EPB41L1: variants seen among roughly 807,000 people sequenced by gnomAD.
EPB41L1 encodes erythrocyte membrane protein band 4.1 like 1.
EPB41L1 carries 29 observed loss-of-function variants against 97.8 expected under a neutral mutation model. That is an observed-to-expected ratio of 0.30 (90% CI 0.22 to 0.40). EPB41L1 has a LOEUF of 0.40. Ranked by LOEUF, EPB41L1 falls within the 10% of genes least tolerant of loss-of-function variation. The pLI is 1.00. For missense variants in EPB41L1, 812 were observed against 1,162.3 expected (o/e 0.70, Z 4.38); for synonymous variants, 383 against 459.2 (o/e 0.83, Z 2.12).
At chr20:36,204,325 C>T (rs185525675) in intron 14 of EPB41L1, among the ~76,000 whole-genome samples, 4 of 152,202 alleles carry the variant, frequency 2.6e-5, no homozygotes, top group Non-Finnish European at 4.4e-5. Flanking sequence ...GGGAAGTATC[C>T]TGTGGCCACA....
At chr20:36,175,803 C>A in intron 3 of EPB41L1, 88 bp downstream of exon 3, 2 of 1,444,466 alleles carry the variant, frequency 1.4e-6, no homozygotes, top group Non-Finnish European at 1.9e-6. Context: ...CAGCTTGGGC[C>A]AAACCAGAGG....
chr20:36,146,580 G>A (rs983082591), intron 2 of EPB41L1, among the ~76,000 whole-genome samples: 10 of 152,176 alleles, frequency 6.6e-5, no homozygotes, highest in Non-Finnish European at 1.3e-4. Flanking sequence ...GTGAAGTTGC[G>A]GATTAACCAG....
intron 3 of EPB41L1, among the ~76,000 whole-genome samples, chr20:36,175,940 G>A (rs1267124069): frequency 6.6e-6 from 1 of 152,180 alleles, no homozygotes; most frequent in Non-Finnish European, 1.5e-5. Flanking sequence ...TACAGGGCTG[G>A]CACCAGGGGA....
intron 11 of EPB41L1, among the ~76,000 whole-genome samples, chr20:36,191,865 C>T (rs1160814634): frequency 6.6e-6 from 1 of 152,282 alleles, no homozygotes; most frequent in East Asian, 1.9e-4. Flanking sequence ...TTCTGTGGCA[C>T]ATAGTAGCAC....
intron 2 of EPB41L1, among the ~76,000 whole-genome samples, chr20:36,116,965 C>T (rs2058603836): frequency 6.6e-6 from 1 of 152,060 alleles, no homozygotes; most frequent in Non-Finnish European, 1.5e-5. Context: ...GTTTTATTAC[C>T]CCATTTTGCA....
In EPB41L1 at chr20:36,209,772, C is replaced by T; in HGVS notation, c.1953C>T (p.Asp651=). The T allele has an allele frequency of 6.2e-7, 1 of 1,614,110 alleles. No homozygotes were observed. ...TCGACCGGGACAAAAGCGACTCGGA[C>T]ACTGAGGGCCTGCTGTTCTCCCGGG... ...PELDRDKSDS[D]TEGLLFSRDL... is the part of the protein sequence containing the mutation. Residue 651 remains aspartate (D), a synonymous_variant, in exon 15 of 22, where the codon GAC becomes GAT. Transcript: ENST00000338074. This position sits in a 1 kb window ranked among gnomAD's most constrained non-coding sequence, Gnocchi z 4.2.
chr20:36,208,368 AGGG>A, intron 14 of EPB41L1: 1 of 450,352 alleles, frequency 2.2e-6, no homozygotes, highest in Non-Finnish European at 4.5e-6. Context: ...ACCCCTGGGA[AGGG>A]GGGGCGCCTG....
chr20:36,194,258 G>A lies in EPB41L1; in HGVS notation c.1347G>A (p.Gly449=), dbSNP rs1290257782. The change falls in exon 12 of 22, where the codon GGG becomes GGA. Residue 449 remains glycine, a synonymous_variant. Transcript: ENST00000338074. ...CGGTCAGCGAGAACCATGATGCAGGGCCTGACGGTGACAAGCGGGATGAGG... is the reference window on the plus strand; with the variant it reads ...CGGTCAGCGAGAACCATGATGCAGGACCTGACGGTGACAAGCGGGATGAGG... ...PASVSENHDA[G]PDGDKRDEDG... 6.2e-7 allele frequency: 1 copy of A among 1,614,160 alleles called. No individual in the cohort carries two copies. The highest frequency in any genetic ancestry group is 1.7e-5 in the Admixed American group (1 of 60,020).
chr20:36,116,835 C>T (rs1276193723), intron 2 of EPB41L1, among the ~76,000 whole-genome samples: 1 of 152,146 alleles, frequency 6.6e-6, no homozygotes, highest in Non-Finnish European at 1.5e-5. Flanking sequence ...GATTTTTCTC[C>T]AAACAACACA....
intron 21 of EPB41L1, among the ~76,000 whole-genome samples, chr20:36,222,666 T>G (rs535244170): frequency 6.6e-6 from 1 of 152,210 alleles, no homozygotes; most frequent in African/African-American, 2.4e-5. Context: ...GTTAAAAATT[T>G]TTTTAAAGGG....
chr20:36,188,878 CA>C (rs536424227), intron 9 of EPB41L1, among the ~76,000 whole-genome samples: 1,857 of 76,820 alleles, frequency 0.024, 27 homozygotes, highest in African/African-American at 0.069. Flanking sequence ...GACTCTGTCT[CA>C]AAAAAAAAAA....
intron 2 of EPB41L1, among the ~76,000 whole-genome samples, chr20:36,135,269 C>T (rs1168982163): frequency 6.6e-6 from 1 of 152,188 alleles, no homozygotes; most frequent in African/African-American, 2.4e-5. Context: ...TCCCATTGTA[C>T]AGTTGAAGAA....
intron 1 of EPB41L1, among the ~76,000 whole-genome samples, chr20:36,156,692 C>T (rs1569156466): frequency 1.3e-5 from 2 of 152,150 alleles, no homozygotes; most frequent in Non-Finnish European, 2.9e-5. Flanking sequence ...GCCTCCCAGC[C>T]CTTGCCCTCA....
Position 36,175,634 on chromosome 20 carries a change from C to T in EPB41L1, c.261C>T (p.Pro87=). 1 of 1,614,176 alleles carries T rather than the reference C, an allele frequency of 6.2e-7. No individual in the cohort carries two copies. Among genetic ancestry groups the T allele is most frequent in the Non-Finnish European group, 8.5e-7 (1 of 1,180,052 alleles). Residue 87 remains proline, a synonymous_variant, in exon 3 of 22, where the codon CCC becomes CCT. Transcript: ENST00000338074. The stretch of plus-strand genomic sequence containing the variant: ...CGCCCAGCAAGGCCCAGAAATCGCC[C>T]CAGAAGATTGCCAAGAAATACAAGA... ...RTTPSKAQKS[P]QKIAKKYKSA...
At chr20:36,130,144 A>G (rs2059139894) in intron 2 of EPB41L1, among the ~76,000 whole-genome samples, 1 of 151,130 alleles carries the variant, frequency 6.6e-6, no homozygotes, top group African/African-American at 2.4e-5. Context: ...ATTTCTCCAT[A>G]TTGGCCAGGC....
intron 2 of EPB41L1, among the ~76,000 whole-genome samples, chr20:36,115,121 T>G (rs563517217): frequency 6.6e-6 from 1 of 152,356 alleles, no homozygotes; most frequent in East Asian, 1.9e-4. Context: ...TTCATTTAAC[T>G]GTCATGACAG....
At chr20:36,117,428 C>A (rs913868206) in intron 2 of EPB41L1, among the ~76,000 whole-genome samples, 1 of 137,896 alleles carries the variant, frequency 7.3e-6, no homozygotes, top group African/African-American at 3.6e-5. Flanking sequence ...AGAATTCTTT[C>A]ATAATTCTTC....
chr20:36,140,501 G>A (rs1052618240), intron 2 of EPB41L1, among the ~76,000 whole-genome samples: 2 of 152,064 alleles, frequency 1.3e-5, no homozygotes, highest in Admixed American at 6.5e-5. Flanking sequence ...TGTAAAGTGG[G>A]GATATGACTT....
At position 36,190,209 on chromosome 20, in the gene EPB41L1, A is replaced by C; in HGVS notation, c.1027-68A>C. The stretch of plus-strand genomic sequence containing the variant: ...ACATTAAACAAATAAAATAAAAAAC[A>C]CAAAGAATGGGCTAGTGGCGAGAGT... On this transcript the variant is annotated intron_variant, in intron 9 of 21. Transcript: ENST00000338074. This position sits in a 1 kb window ranked among gnomAD's most constrained non-coding sequence, Gnocchi z 5.8. 9 of 1,264,082 alleles carry C rather than the reference A, an allele frequency of 7.1e-6. No individual in the cohort carries two copies. Among genetic ancestry groups the C allele is most frequent in the Non-Finnish European group, 1.0e-5 (9 of 871,016 alleles). 78.3% of individuals were successfully genotyped at this position (1,264,082 alleles called of 1,614,324 possible).
Sources: gnomAD v4.1 joint callset for allele counts (sites outside exome capture counted in the v4.1 genomes callset) on GRCh38, gnomAD v4.1.1 for gene constraint, Gnocchi (gnomAD v3.1) non-coding constraint, MANE v1.5 for transcripts, NCBI Gene and HGNC (gene_info 2026-07-23, HGNC 2026-07-21) for gene names.